FAT3: variants seen among roughly 807,000 people sequenced by gnomAD.
FAT3 encodes FAT atypical cadherin 3.
Under a neutral mutation model 310.2 loss-of-function variants are expected in FAT3, and 95 were observed. The ratio of observed to expected loss-of-function variants is 0.31; its 90% CI spans 0.26 to 0.36. The LOEUF (loss-of-function observed/expected upper bound fraction) is 0.36. Among genes scored for constraint, FAT3 ranks in the 10% least tolerant of loss-of-function variants. The probability of loss-of-function intolerance (pLI) is 1.00; values close to 1 mark genes in which losing one functional copy is unlikely to be tolerated. For missense variants in FAT3, 5,408 were observed against 5,715.6 expected (o/e 0.95, Z 1.74); for synonymous variants, 2,314 against 2,192.9 (o/e 1.06, Z -1.54).
intron 19 of FAT3, among the ~76,000 whole-genome samples, chr11:92,854,894 G>A (rs1037927802): frequency 6.6e-6 from 1 of 152,214 alleles, no homozygotes; most frequent in Non-Finnish European, 1.5e-5. Flanking sequence ...TAGACTGGCT[G>A]AAATAGAAGG....
At chr11:92,710,759 C>T (rs1792361) in intron 4 of FAT3, among the ~76,000 whole-genome samples, 47,432 of 152,066 alleles carry the variant, frequency 0.31, 7,681 homozygotes, top group Non-Finnish European at 0.33. Flanking sequence ...ACCATTTACC[C>T]GTCTTCAAAA....
chr11:92,404,673 C>G (rs1488764040), intron 2 of FAT3, among the ~76,000 whole-genome samples: 1 of 151,708 alleles, frequency 6.6e-6, no homozygotes, highest in Non-Finnish European at 1.5e-5. Context: ...CAAAGGATGC[C>G]CAGATAGCTG....
Position 92,528,605 on chromosome 11 carries a change from C to T in FAT3, c.3607+3657C>T, listed in dbSNP as rs577638394. On this transcript the variant is annotated intron_variant, in intron 3 of 27. Transcript: ENST00000525166. ...GTTTCATCGTGTTAGCCAGGATGGT[C>T]TCGATTTCCTGACCTCATGATCCGC... Among the ~76,000 whole-genome samples the T allele has an allele frequency of 1.2e-4, 18 of 152,254 alleles. No individual in the cohort carries two copies. In the East Asian group the frequency reaches 3.1e-3, roughly 26 times the overall value.
chr11:92,477,914 G>A (rs765304180), intron 2 of FAT3, among the ~76,000 whole-genome samples: 1 of 152,176 alleles, frequency 6.6e-6, no homozygotes, highest in Non-Finnish European at 1.5e-5. Flanking sequence ...ACGGGGCTAG[G>A]AAACTGTGTG....
intron 2 of FAT3, among the ~76,000 whole-genome samples, chr11:92,508,466 G>GA (rs1010456068): frequency 1.3e-5 from 2 of 151,690 alleles, no homozygotes; most frequent in African/African-American, 2.4e-5. Flanking sequence ...CAGAAAAAAT[G>GA]AAAAAAAGTG....
chr11:92,568,606 C>G (rs1186072233), intron 3 of FAT3, among the ~76,000 whole-genome samples: 1 of 152,130 alleles, frequency 6.6e-6, no homozygotes, highest in Non-Finnish European at 1.5e-5. Context: ...CCTTCAAACC[C>G]TTGAATGTCA....
intron 3 of FAT3, among the ~76,000 whole-genome samples, chr11:92,664,327 A>T (rs193011948): frequency 6.6e-5 from 10 of 152,294 alleles, no homozygotes; most frequent in Admixed American, 6.5e-4. Flanking sequence ...CTAGGGTATG[A>T]GCTGCTTGAA....
intron 3 of FAT3, among the ~76,000 whole-genome samples, chr11:92,610,306 T>A (rs995517604): frequency 2.6e-5 from 4 of 152,222 alleles, no homozygotes; most frequent in Non-Finnish European, 4.4e-5. Context: ...TCTTTTTAAA[T>A]TTTTTAGACA....
intron 4 of FAT3, among the ~76,000 whole-genome samples, chr11:92,745,829 T>C (rs182774429): frequency 7.0e-4 from 107 of 152,318 alleles, no homozygotes; most frequent in African/African-American, 2.5e-3. Flanking sequence ...AAATATTTGT[T>C]GAGAACCAAC....
chr11:92,724,188 A>T (rs1270519765), intron 4 of FAT3, among the ~76,000 whole-genome samples: 1 of 152,020 alleles, frequency 6.6e-6, no homozygotes, highest in Non-Finnish European at 1.5e-5. Context: ...CTAACTGGTG[A>T]TCTAGGATAG....
chr11:92,302,950 A>G (rs956926865), intron 1 of FAT3, among the ~76,000 whole-genome samples: 2 of 152,152 alleles, frequency 1.3e-5, no homozygotes, highest in East Asian at 3.9e-4. Flanking sequence ...TAATGAACAG[A>G]GCGGGTGCCT....
intron 13 of FAT3, among the ~76,000 whole-genome samples, chr11:92,822,358 C>G (rs1375145260): frequency 6.6e-6 from 1 of 151,788 alleles, no homozygotes; most frequent in East Asian, 1.9e-4. Context: ...TTGGATCAGT[C>G]TGGATCGAAC....
intron 1 of FAT3, among the ~76,000 whole-genome samples, chr11:92,283,687 T>A (rs182094234): frequency 1.8e-4 from 28 of 152,302 alleles, no homozygotes; most frequent in Non-Finnish European, 7.4e-5. Flanking sequence ...GAATAGCATG[T>A]CTTCATGTTT....
At chr11:92,727,469 A>C (rs1291857255) in intron 4 of FAT3, among the ~76,000 whole-genome samples, 1 of 152,162 alleles carries the variant, frequency 6.6e-6, no homozygotes, top group Non-Finnish European at 1.5e-5. Context: ...GTATGAAATG[A>C]GAGTGTCTGA....
intron 13 of FAT3, among the ~76,000 whole-genome samples, chr11:92,828,987 G>A (rs1036244115): frequency 4.9e-4 from 74 of 152,270 alleles, no homozygotes; most frequent in East Asian, 5.8e-4. Flanking sequence ...GAGCGGCAGC[G>A]TGCAAATCCA....
At chr11:92,508,562 C>A (rs1953189711) in intron 2 of FAT3, among the ~76,000 whole-genome samples, 1 of 152,112 alleles carries the variant, frequency 6.6e-6, no homozygotes, top group Non-Finnish European at 1.5e-5. Flanking sequence ...CAAGTCCATT[C>A]ATTACATTTT....
chr11:92,456,882 G>A (rs928486110), intron 2 of FAT3, among the ~76,000 whole-genome samples: 2 of 152,128 alleles, frequency 1.3e-5, no homozygotes, highest in African/African-American at 4.8e-5. Context: ...GCGCTAGGAT[G>A]AGACTGCCTT....
chr11:92,227,789 T>C (rs1167882785), intron 1 of FAT3, among the ~76,000 whole-genome samples: 7 of 148,432 alleles, frequency 4.7e-5, no homozygotes, highest in East Asian at 2.0e-4. Flanking sequence ...ATTGGAGCAA[T>C]TGAACAGTGA....
chr11:92,276,978 C>T (rs953724417), intron 1 of FAT3, among the ~76,000 whole-genome samples: 5 of 152,128 alleles, frequency 3.3e-5, no homozygotes, highest in Non-Finnish European at 2.9e-5. Context: ...CTGACTGATG[C>T]CTGTGACTCA....
Sources: gnomAD v4.1 joint callset for allele counts (sites outside exome capture counted in the v4.1 genomes callset) on GRCh38, gnomAD v4.1.1 for gene constraint, MANE v1.5 for transcripts, NCBI Gene and HGNC (gene_info 2026-07-23, HGNC 2026-07-21) for gene names.